Variants in CD1B observed in about 807,000 individuals in gnomAD.
The protein encoded by CD1B is CD1b molecule.
CD1B carries 43 observed loss-of-function variants against 39.8 expected under a neutral mutation model. That is an observed-to-expected ratio of 1.08 (90% CI 0.85 to 1.39). The LOEUF is 1.39. Ranked by LOEUF, CD1B falls within the 40% of genes most tolerant of loss-of-function variation. CD1B has a pLI of 0.00. For synonymous variants in CD1B, 192 were observed against 152.5 expected (o/e 1.26, Z -1.91); for missense variants, 495 against 403.8 (o/e 1.23, Z -1.94).
At chr1:158,329,115 A>C in intron 4 of CD1B, 101 bp from the exon 5 acceptor site, 1 of 1,059,972 alleles carries the variant, frequency 9.4e-7, no homozygotes, top group Non-Finnish European at 1.4e-6. Flanking sequence ...GGTCATTTCC[A>C]ACTTCCTCTC....
the CD1B span, among the ~76,000 whole-genome samples, chr1:158,300,356 ATTTCT>A: frequency 2.6e-5 from 4 of 152,140 alleles, no homozygotes; most frequent in African/African-American, 7.2e-5. Context: ...GTTTGTTGTG[ATTTCT>A]TTTCTTTTTA....
the CD1B span, among the ~76,000 whole-genome samples, chr1:158,320,159 G>C: frequency 6.6e-6 from 1 of 152,228 alleles, no homozygotes; most frequent in East Asian, 1.9e-4. Context: ...AGGCAGGCAG[G>C]CCTCCTTGAG....
At chr1:158,304,600 C>G in the CD1B span, among the ~76,000 whole-genome samples, 1 of 152,160 alleles carries the variant, frequency 6.6e-6, no homozygotes. Context: ...GTGGTTCTCC[C>G]AGCATGCAGC....
chr1:158,320,555 G>C, the CD1B span, among the ~76,000 whole-genome samples: 2 of 151,978 alleles, frequency 1.3e-5, no homozygotes, highest in African/African-American at 2.4e-5. Context: ...TGCACCCACT[G>C]TCTGGCACTC....
At chr1:158,328,839 A>G (rs1269191253) in intron 5 of CD1B, 82 bp downstream of exon 5, 1 of 993,342 alleles carries the variant, frequency 1.0e-6, no homozygotes, top group Non-Finnish European at 1.5e-6. Context: ...ACAATTTTTA[A>G]ATAGATAAAA....
At chr1:158,316,010 G>C in the CD1B span, among the ~76,000 whole-genome samples, 1 of 151,872 alleles carries the variant, frequency 6.6e-6, no homozygotes, top group Non-Finnish European at 1.5e-5. Context: ...CTGTTCCATT[G>C]ATCTATATCT....
the CD1B span, among the ~76,000 whole-genome samples, chr1:158,306,624 G>T: frequency 2.1e-3 from 319 of 152,178 alleles, no homozygotes; most frequent in African/African-American, 7.5e-3. Context: ...CAACAGAATA[G>T]ACATTCTTCT....
chr1:158,328,803 G>A (rs1385370111), intron 5 of CD1B, 118 bp downstream of exon 5: 3 of 707,994 alleles, frequency 4.2e-6, no homozygotes, highest in Non-Finnish European at 7.0e-6. Flanking sequence ...TTTGGGGAAA[G>A]GATATGGTGA....
chr1:158,330,477 A>G, intron 2 of CD1B: 1 of 558,110 alleles, frequency 1.8e-6, no homozygotes, highest in South Asian at 2.0e-5. Flanking sequence ...TTAGGGGAGA[A>G]AGCCACACGT....
chr1:158,297,856 G>A, the CD1B span, among the ~76,000 whole-genome samples: 1 of 151,744 alleles, frequency 6.6e-6, no homozygotes, highest in Non-Finnish European at 1.5e-5. Flanking sequence ...GATCACCCAA[G>A]CCTGGGGAGG....
At chr1:158,293,525 G>A in the CD1B span, 2 of 1,613,836 alleles carry the variant, frequency 1.2e-6, no homozygotes, top group Non-Finnish European at 1.7e-6. Context: ...AGCAACCCAG[G>A]AGCCTAGTAC....
At position 158,328,968 on chromosome 1, in the gene CD1B, A is replaced by T; in HGVS notation, c.933T>A (p.Pro311=). The stretch of plus-strand genomic sequence containing the variant: ...CAAGGCATAGCAAAAGGAGCAAGGA[A>T]GGCACTATTATTGCCAAAACAATTG... The part of the protein sequence containing the change: ...IGSIVLAIIV[P]SLLLLLCLAL... Residue 311 remains proline (P), a synonymous_variant, in exon 5 of 6, where the codon CCT becomes CCA. Transcript: ENST00000368168. 1 of 1,613,974 alleles carries T rather than the reference A, an allele frequency of 6.2e-7. No individual in the cohort carries two copies. The highest frequency in any genetic ancestry group is 2.2e-5 in the East Asian group (1 of 44,876).
chr1:158,301,690 C>T, the CD1B span, among the ~76,000 whole-genome samples: 2 of 151,992 alleles, frequency 1.3e-5, no homozygotes, highest in Non-Finnish European at 2.9e-5. Flanking sequence ...TTTGTGGAAC[C>T]CGACTTTTCT....
chr1:158,310,823 G>A, the CD1B span, among the ~76,000 whole-genome samples: 2 of 152,100 alleles, frequency 1.3e-5, 1 homozygote. Context: ...ACAGATTCTA[G>A]CAAGGTTGCA....
chr1:158,318,318 C>G, the CD1B span, among the ~76,000 whole-genome samples: 1 of 152,014 alleles, frequency 6.6e-6, no homozygotes, highest in Non-Finnish European at 1.5e-5. Flanking sequence ...GTAGGTCACT[C>G]AGGACTTGCT....
chr1:158,323,269 C>A (rs941480419), downstream of CD1B, among the ~76,000 whole-genome samples: 6 of 150,652 alleles, frequency 4.0e-5, no homozygotes, highest in African/African-American at 1.5e-4. Flanking sequence ...TTGATTAATT[C>A]TGCTGTTAAT....
chr1:158,312,459 T>C, the CD1B span, among the ~76,000 whole-genome samples: 1 of 152,242 alleles, frequency 6.6e-6, no homozygotes. Flanking sequence ...GTCTCAGATA[T>C]GTCTTTATTA....
the CD1B span, among the ~76,000 whole-genome samples, chr1:158,300,881 C>T: frequency 6.6e-6 from 1 of 150,938 alleles, no homozygotes; most frequent in Non-Finnish European, 1.5e-5. Context: ...GCTTGAGCCT[C>T]CTGAGTAGCT....
the CD1B span, among the ~76,000 whole-genome samples, chr1:158,322,458 G>C: frequency 1.4e-5 from 2 of 142,710 alleles, no homozygotes; most frequent in Middle Eastern, 7.2e-3. Context: ...CGTAAGATGC[G>C]GTTTTGCCAT....
Sources: gnomAD v4.1 joint callset for allele counts (sites outside exome capture counted in the v4.1 genomes callset) on GRCh38, gnomAD v4.1.1 for gene constraint, MANE v1.5 for transcripts, NCBI Gene and HGNC (gene_info 2026-07-23, HGNC 2026-07-21) for gene names.